ZC4H2: variants seen among roughly 807,000 people sequenced by gnomAD.
The protein encoded by ZC4H2 is zinc finger C4H2 domain-containing protein.
For synonymous variants in ZC4H2, 84 were observed against 66.3 expected (o/e 1.27, Z -1.30); for missense variants, 137 against 173.9 (o/e 0.79, Z 1.19).
At chrX:64,946,952 AT>A (rs1930564286) in intron 1 of ZC4H2, among the ~76,000 whole-genome samples, 1 of 110,627 alleles carries the variant, frequency 9.0e-6, no homozygotes, top group Non-Finnish European at 1.9e-5. Context: ...GTTTTAAGGC[AT>A]CTCTTCTGTT....
upstream of ZC4H2, among the ~76,000 whole-genome samples, chrX:64,980,487 C>T (rs1022434351): frequency 5.4e-5 from 6 of 111,679 alleles, no homozygotes; most frequent in African/African-American, 9.8e-5. Flanking sequence ...AGGGAAACAG[C>T]AGGAGGTATC....
chrX:64,929,542 A>G (rs1929643061), intron 1 of ZC4H2, among the ~76,000 whole-genome samples: 1 of 111,745 alleles, frequency 8.9e-6, no homozygotes, highest in South Asian at 3.7e-4. Context: ...TAATTTTTGT[A>G]TAAGGTGAGA....
At chrX:64,978,458 C>G (rs1011888925), upstream of ZC4H2, among the ~76,000 whole-genome samples, 34 of 111,895 alleles carry the variant, frequency 3.0e-4, no homozygotes, top group African/African-American at 1.1e-3. Context: ...CAAGAACTGG[C>G]CCCAGCTCTG....
rs368846162 is a variant in ZC4H2, at chrX:64,952,215, A to G, written c.53+24110T>C. Among the ~76,000 whole-genome samples the G allele has an allele frequency of 1.0e-4, 11 of 110,381 alleles. No individual in the cohort carries two copies. The South Asian group carries it at 3.9e-3, about 39-fold the overall frequency. On this transcript the variant is annotated intron_variant, in intron 1 of 4. Transcript: ENST00000374839. Reference sequence around the variant, plus strand: ...TTTGGTTACTGTAGCCTTGAAGTATAGTTTGAAGTCAGGTAGTGTGATGCC... The same window carrying G: ...TTTGGTTACTGTAGCCTTGAAGTATGGTTTGAAGTCAGGTAGTGTGATGCC...
intron 1 of ZC4H2, among the ~76,000 whole-genome samples, chrX:64,988,587 T>C (rs1333282095): frequency 3.0e-4 from 33 of 111,439 alleles, no homozygotes; most frequent in African/African-American, 1.1e-3. Flanking sequence ...GGTTTGTTTT[T>C]TTTTTCTTAT....
chrX:64,931,431 G>C (rs1243695741), intron 1 of ZC4H2, among the ~76,000 whole-genome samples: 1 of 111,100 alleles, frequency 9.0e-6, no homozygotes, highest in African/African-American at 3.3e-5. Flanking sequence ...TGTTCCTTGA[G>C]GTGTGACATT....
intron 1 of ZC4H2, among the ~76,000 whole-genome samples, chrX:65,025,668 T>C (rs1157342467): frequency 1.8e-5 from 2 of 111,556 alleles, no homozygotes; most frequent in African/African-American, 6.5e-5. Context: ...AATTTTGCTT[T>C]CTCCATGTGG....
Position 64,951,463 on chromosome X carries a change from T to C in ZC4H2, c.53+24862A>G, listed in dbSNP as rs1199708017. Among the ~76,000 whole-genome samples the C allele has an allele frequency of 5.4e-5, 6 of 111,853 alleles. No homozygotes were observed. The Admixed American group carries it at 5.7e-4, about 11-fold the overall frequency. ...TTCTCCACATCCTCTCCAGCACCTG[T>C]TGTTTCCTGACTTTTTAATGATTGC... On this transcript the variant is annotated intron_variant, in intron 1 of 4. Coordinates refer to ENST00000374839, the MANE Select transcript of ZC4H2 (RefSeq NM_018684.4).
At chrX:65,031,522 G>A (rs1932933564) in intron 1 of ZC4H2, among the ~76,000 whole-genome samples, 2 of 110,361 alleles carry the variant, frequency 1.8e-5, no homozygotes, top group Non-Finnish European at 3.8e-5. Context: ...GTAAATGAAG[G>A]TGAATAAGGA....
At chrX:64,963,148 A>G (rs180703131) in intron 1 of ZC4H2, among the ~76,000 whole-genome samples, 4 of 111,886 alleles carry the variant, frequency 3.6e-5, no homozygotes, top group Non-Finnish European at 7.6e-5. Context: ...CAGTCACTTG[A>G]TCTTTGACAA....
At chrX:65,026,475 C>T (rs1932879845) in intron 1 of ZC4H2, among the ~76,000 whole-genome samples, 1 of 110,603 alleles carries the variant, frequency 9.0e-6, no homozygotes, top group Non-Finnish European at 1.9e-5. Flanking sequence ...CTTTGGGAGG[C>T]CGAGACAGGT....
chrX:64,995,079 A>G (rs1032048090), intron 1 of ZC4H2, among the ~76,000 whole-genome samples: 6 of 109,166 alleles, frequency 5.5e-5, no homozygotes, highest in East Asian at 2.9e-4. Context: ...TGGGGAAAAA[A>G]GCAAATCAGT....
chrX:65,002,071 T>C (rs1231635844), intron 1 of ZC4H2, among the ~76,000 whole-genome samples: 1 of 111,505 alleles, frequency 9.0e-6, no homozygotes, highest in Non-Finnish European at 1.9e-5. Context: ...GGACTTGAAC[T>C]CAGCTCTAGA....
At chrX:64,958,389 G>C (rs1201307868) in intron 1 of ZC4H2, among the ~76,000 whole-genome samples, 2 of 107,786 alleles carry the variant, frequency 1.9e-5, no homozygotes, top group Non-Finnish European at 3.8e-5. Flanking sequence ...ATATGTGTGT[G>C]TGTGTGTATT....
Position 64,917,675 on chromosome X carries a change from T to C in ZC4H2, c.*108A>G, listed in dbSNP as rs1166158559. ...GGGGTTGTGCTTCCATCACATTAAA[T>C]AGGAGACTTCGTGGGGTTGGGCAAG... On this transcript the variant is annotated 3_prime_UTR_variant, in exon 5 of 5. Coordinates refer to ENST00000374839, the MANE Select transcript of ZC4H2 (RefSeq NM_018684.4). 9.3e-7 allele frequency: 1 copy of C among 1,069,556 alleles called. No homozygotes were observed. The highest frequency in any genetic ancestry group is 1.9e-5 in the African/African-American group (1 of 53,371). 88.1% of individuals were successfully genotyped at this position (1,069,556 alleles called of 1,213,427 possible). A position where few individuals can be genotyped will look rare whatever the true frequency, so the allele number is the denominator to read the frequency against.
intron 1 of ZC4H2, among the ~76,000 whole-genome samples, chrX:64,962,628 A>T (rs2147405408): frequency 9.0e-6 from 1 of 111,668 alleles, no homozygotes; most frequent in Non-Finnish European, 1.9e-5. Context: ...AGTTGACAAA[A>T]TCTTATTTGT....
chrX:64,928,682 T>TTCTTCTTCC (rs1331300174), intron 1 of ZC4H2, among the ~76,000 whole-genome samples: 11 of 91,945 alleles, frequency 1.2e-4, no homozygotes, highest in African/African-American at 3.8e-4. Context: ...CTTCTTCTTC[T>TTCTTCTTCC]TCCTCCTCCT....
At position 64,952,604 on chromosome X, in the gene ZC4H2, C is replaced by G. The variant is rs1225972201; in HGVS notation, c.53+23721G>C. On this transcript the variant is annotated intron_variant, in intron 1 of 4. Coordinates refer to ENST00000374839, the MANE Select transcript of ZC4H2 (RefSeq NM_018684.4). ...GAGAATAAAATACCTAGGAATCCAA[C>G]TTACAAGAGATGTGAAGGACCTCTT... Among the ~76,000 whole-genome samples, 5 of 111,218 alleles carry G rather than the reference C, an allele frequency of 4.5e-5. No homozygotes were observed. The East Asian group carries it at 1.4e-3, about 32-fold the overall frequency.
intron 1 of ZC4H2, 86 bp downstream of exon 1, chrX:64,976,239 G>A: frequency 9.2e-7 from 1 of 1,088,384 alleles, no homozygotes; most frequent in Non-Finnish European, 1.3e-6. Flanking sequence ...AGCTCCTCTA[G>A]ACAAACAGCC....
Sources: gnomAD v4.1 joint callset for allele counts (sites outside exome capture counted in the v4.1 genomes callset) on GRCh38, gnomAD v4.1.1 for gene constraint, MANE v1.5 for transcripts, NCBI Gene and HGNC (gene_info 2026-07-23, HGNC 2026-07-21) for gene names.